Variants in INAVA observed in about 807,000 individuals in gnomAD.
INAVA encodes innate immunity activator protein.
INAVA carries 32 observed loss-of-function variants against 55.3 expected under a neutral mutation model. The ratio of observed to expected loss-of-function variants is 0.58; its 90% CI spans 0.44 to 0.78. INAVA has a LOEUF of 0.78. Ranked by LOEUF, INAVA falls within the 30% of genes least tolerant of loss-of-function variation. The pLI, the probability that INAVA is intolerant of heterozygous loss-of-function variation, is 0.00. For synonymous variants in INAVA, 294 were observed against 329.4 expected (o/e 0.89, Z 1.16); for missense variants, 756 against 786.4 (o/e 0.96, Z 0.46).
intron 1 of INAVA, among the ~76,000 whole-genome samples, chr1:200,898,015 C>T (rs549008111): frequency 3.9e-5 from 6 of 152,274 alleles, no homozygotes; most frequent in African/African-American, 1.4e-4. Context: ...TCTCCCCAGT[C>T]GAGCGGTTCT....
chr1:200,892,558 A>C (rs373570767), upstream of INAVA, among the ~76,000 whole-genome samples: 100 of 152,208 alleles, frequency 6.6e-4, no homozygotes, highest in African/African-American at 2.4e-3. Context: ...TCAGATTCCA[A>C]GTACTATAAT....
chr1:200,892,636 G>T (rs2102296369), upstream of INAVA, among the ~76,000 whole-genome samples: 1 of 152,284 alleles, frequency 6.6e-6, no homozygotes, highest in Admixed American at 6.5e-5. Context: ...TTTGGGGCTG[G>T]GGCATCAGTC....
In INAVA at chr1:200,899,537, C is replaced by T; in HGVS notation, c.120C>T (p.Ala40=). The T allele has an allele frequency of 6.2e-7, 1 of 1,613,824 alleles. No homozygotes were observed. Among genetic ancestry groups the T allele is most frequent in the Non-Finnish European group, 8.5e-7 (1 of 1,179,962 alleles). The part of the protein sequence containing the change: ...LTHAVHKQQR[A]LEARLEACLE... ...ATGCAGTGCACAAGCAGCAGAGGGC[C>T]CTGGAAGCGAGGCTGGAGGCCTGCC... The change falls in exon 3 of 10, where the codon GCC becomes GCT. Residue 40 remains alanine, a synonymous_variant. Transcript: ENST00000413687.
Position 200,911,473 on chromosome 1 carries a change from G to T in INAVA, c.980G>T (p.Gly327Val). The change falls in exon 9 of 10, where the codon GGT (glycine) becomes GTT (valine). Residue 327 changes from glycine (G) to valine (V), a missense_variant. Coordinates refer to ENST00000413687, the MANE Select transcript of INAVA (RefSeq NM_001142569.3). Reference sequence around the variant, plus strand: ...TTCAGGGTGGATTCCTTCCGGGCGGGTCCTGAGGGCCGAGGTCGCAGCGCC... The same window carrying T: ...TTCAGGGTGGATTCCTTCCGGGCGGTTCCTGAGGGCCGAGGTCGCAGCGCC... The part of the protein sequence containing the change: ...QSLRVDSFRA[G>V]PEGRGRSAFP... 6.2e-7 allele frequency: 1 copy of T among 1,613,034 alleles called. No individual in the cohort carries two copies. Among genetic ancestry groups the T allele is most frequent in the Non-Finnish European group, 8.5e-7 (1 of 1,179,478 alleles).
chr1:200,905,302 T>C lies in INAVA; in HGVS notation c.521-2532T>C, dbSNP rs888493661. Among the ~76,000 whole-genome samples the C allele has an allele frequency of 3.3e-5, 5 of 152,244 alleles. No individual in the cohort carries two copies. In the East Asian group the frequency reaches 9.7e-4, roughly 29 times the overall value. ...GGCTCAAGCTTGTAATCCCAGCACT[T>C]TGGGAGGCCAAGGCAGGAGGATCTC... On this transcript the variant is annotated intron_variant, in intron 5 of 9. Coordinates refer to ENST00000413687, the MANE Select transcript of INAVA (RefSeq NM_001142569.3).
intron 7 of INAVA, 58 bp downstream of exon 7, chr1:200,908,998 T>G: frequency 1.3e-6 from 2 of 1,535,768 alleles, no homozygotes; most frequent in Non-Finnish European, 1.8e-6. Context: ...GTGGGAGCTA[T>G]GCTGGGGATG....
Position 200,899,465 on chromosome 1 carries a change from C to A in INAVA, c.56-8C>A, listed in dbSNP as rs1286314696. On this transcript the variant is annotated splice_polypyrimidine_tract_variant and splice_region_variant and intron_variant, in intron 2 of 9. Transcript: ENST00000413687. ...CCTCCCTGAGCATGTGCCCCCCAAC[C>A]CTTGCAGGCCCCGACAGCCCGGTCT... The A allele has an allele frequency of 7.4e-6, 12 of 1,613,964 alleles. No individual in the cohort carries two copies. The highest frequency in any genetic ancestry group is 9.3e-6 in the Non-Finnish European group (11 of 1,179,984).
Position 200,900,148 on chromosome 1 carries a change from G to T in INAVA, c.225G>T (p.Gly75=), listed in dbSNP as rs147761193. Residue 75 remains glycine (G), a synonymous_variant, in exon 4 of 10, where the codon GGG becomes GGT. Transcript: ENST00000413687. ...CAGCGGAGTATCCCCTCAAACCAGG[G>T]GAAAAGGCCCCCAAGGTTCGCCGCA... ...TLPAEYPLKP[G]EKAPKVRRRI... is the part of the protein sequence containing the mutation. 2,303 of 1,614,082 alleles carry T rather than the reference G, an allele frequency of 1.4e-3. No homozygotes were observed. Among genetic ancestry groups the T allele is most frequent in the Non-Finnish European group, 1.8e-3 (2,086 of 1,179,940 alleles).
chr1:200,895,528 CTG>C (rs1036299114), intron 1 of INAVA, among the ~76,000 whole-genome samples: 3 of 151,254 alleles, frequency 2.0e-5, no homozygotes, highest in African/African-American at 7.3e-5. Flanking sequence ...GGAGGGATCC[CTG>C]TGTTAGGGAG....
chr1:200,895,775 G>C (rs997874485), intron 1 of INAVA, among the ~76,000 whole-genome samples: 1 of 152,156 alleles, frequency 6.6e-6, no homozygotes, highest in African/African-American at 2.4e-5. Flanking sequence ...TCAGACCGGG[G>C]ACCTGGAAAG....
intron 6 of INAVA, chr1:200,908,418 G>T: frequency 3.7e-6 from 1 of 270,758 alleles, no homozygotes; most frequent in South Asian, 1.0e-4. Context: ...AAGAAAAATA[G>T]GTAAACAAAA....
At chr1:200,892,409 CTT>C (rs138206581), upstream of INAVA, among the ~76,000 whole-genome samples, 154 of 151,952 alleles carry the variant, frequency 1.0e-3, no homozygotes, top group Middle Eastern at 6.8e-3. Flanking sequence ...AAAGAAGGAA[CTT>C]TTTTTTAAAA....
intron 5 of INAVA, chr1:200,903,050 T>C (rs1308116070): frequency 6.6e-6 from 1 of 152,266 alleles, no homozygotes; most frequent in Admixed American, 6.5e-5. Context: ...CTTCAGGCCC[T>C]GGGATCTAAA....
rs776548310 is a variant in INAVA at position 200,909,286 on chromosome 1, C to T, written c.848C>T (p.Ala283Val). 1.1e-5 allele frequency: 17 copies of T among 1,610,750 alleles called. No homozygotes were observed. The highest frequency in any genetic ancestry group is 1.4e-5 in the Non-Finnish European group (17 of 1,178,126). ...SASSLWLLEPASYHVVPIRGV... is the reference protein window; with the variant it reads ...SASSLWLLEPVSYHVVPIRGV... ...TCCAGCCTGTGGCTTCTGGAGCCTG[C>T]CTCCTACCACGTGGTTCCCATCCGT... Residue 283 changes from alanine (A) to valine (V), a missense_variant, in exon 8 of 10, where the codon GCC (alanine) becomes GTC (valine). By Grantham distance (64) the Ala-to-Val change is moderately conservative. Transcript: ENST00000413687.
chr1:200,895,186 C>G lies in INAVA; in HGVS notation c.-95+99C>G, dbSNP rs1056610389. 3.3e-6 allele frequency: 3 copies of G among 915,528 alleles called. No individual in the cohort carries two copies. In the African/African-American group the frequency reaches 5.4e-5, roughly 16 times the overall value. The allele number at this position is 915,528 out of a possible 1,614,324, so 56.7% of individuals were successfully genotyped here. A position where few individuals can be genotyped will look rare whatever the true frequency, so the allele number is the denominator to read the frequency against. On this transcript the variant is annotated intron_variant, in intron 1 of 9. Transcript: ENST00000413687. ...GTGGCCATCACCCCCCTCCGACCCC[C>G]ACCCCCGCCAGCCTATGTCTGGTGT...
At chr1:200,911,398 C>T (rs562562741) in intron 8 of INAVA, 55 bp from the exon 9 acceptor site, 2 of 1,514,904 alleles carry the variant, frequency 1.3e-6, no homozygotes, top group South Asian at 2.4e-5. Context: ...CCGCCCCAAC[C>T]CCAGTGTGGA....
chr1:200,909,028 GA>G, intron 7 of INAVA, 88 bp downstream of exon 7: 1 of 1,404,440 alleles, frequency 7.1e-7, no homozygotes. Flanking sequence ...TGGGCAGATG[GA>G]AAAGTGGAAA....
chr1:200,911,544 T>C lies in INAVA; in HGVS notation c.1051T>C (p.Ser351Pro). The C allele has an allele frequency of 6.2e-7, 1 of 1,613,604 alleles. No homozygotes were observed. The stretch of plus-strand genomic sequence containing the variant: ...TCACTACACGGTGACAGTGCCAGAT[T>C]CCTGCTTTCCCGCGACCAAGCCCCC... ...PTHYTVTVPD[S>P]CFPATKPPLP... Residue 351 changes from serine to proline, a missense_variant, in exon 9 of 10, where the codon TCC becomes CCC. Ser to Pro is a moderately conservative substitution (Grantham distance 74). Around this residue, in one of 2 missense-constraint regions of INAVA, gnomAD observed 639 missense variants for 624.3 expected, o/e 1.02. Coordinates refer to ENST00000413687, the MANE Select transcript of INAVA (RefSeq NM_001142569.3).
At chr1:200,892,310 C>T (rs1034841969), upstream of INAVA, among the ~76,000 whole-genome samples, 1 of 152,128 alleles carries the variant, frequency 6.6e-6, no homozygotes, top group Non-Finnish European at 1.5e-5. Context: ...CCTGAGACTA[C>T]TTTGCTGGGG....
Sources: gnomAD v4.1 joint callset for allele counts (sites outside exome capture counted in the v4.1 genomes callset) on GRCh38, gnomAD v4.1.1 for gene constraint, gnomAD v4.1.1 regional missense constraint, MANE v1.5 for transcripts, NCBI Gene and HGNC (gene_info 2026-07-23, HGNC 2026-07-21) for gene names.